The following TGFBR3 variants were observed in gnomAD, a reference collection of about 807,000 sequenced individuals.
TGFBR3 encodes transforming growth factor beta receptor 3.
TGFBR3 carries 46 observed loss-of-function variants against 87.9 expected under a neutral mutation model. That is an observed-to-expected ratio of 0.52 (90% CI 0.41 to 0.67). The LOEUF (loss-of-function observed/expected upper bound fraction) is 0.67, where lower values mean the gene tolerates loss of function less well. TGFBR3 is among the 30% of genes least tolerant of loss of function. TGFBR3 has a pLI of 0.00. For synonymous variants in TGFBR3, 381 were observed against 391.6 expected, an observed-to-expected ratio of 0.97 and a Z score of 0.32; for missense variants, 866 against 1,041.9, an observed-to-expected ratio of 0.83 and a Z score of 2.32.
At chr1:91,843,156 C>T (rs1475014713) in intron 2 of TGFBR3, among the ~76,000 whole-genome samples, 5 of 152,194 alleles carry the variant, frequency 3.3e-5, no homozygotes, top group Non-Finnish European at 5.9e-5. Context: ...CCATGTGTTA[C>T]GGACTGAATG....
intron 2 of TGFBR3, among the ~76,000 whole-genome samples, chr1:91,815,065 G>T (rs1200882635): frequency 6.6e-6 from 1 of 152,190 alleles, no homozygotes; most frequent in East Asian, 1.9e-4. Context: ...ACTTTGGGAG[G>T]CCAAGGCAGG....
chr1:91,801,083 CAAA>C (rs55862227), intron 2 of TGFBR3: 548 of 139,050 alleles, frequency 3.9e-3, no homozygotes, highest in South Asian at 0.017. Flanking sequence ...AACTCTGTCT[CAAA>C]AAAAAAAAAA....
At chr1:91,717,175 A>G (rs1672204512) in intron 10 of TGFBR3, among the ~76,000 whole-genome samples, 1 of 152,120 alleles carries the variant, frequency 6.6e-6, no homozygotes, top group Admixed American at 6.5e-5. Context: ...AGAGTTGTAG[A>G]AAGTTTGGTT....
At chr1:91,868,396 C>T (rs1384306657) in intron 1 of TGFBR3, among the ~76,000 whole-genome samples, 2 of 152,002 alleles carry the variant, frequency 1.3e-5, no homozygotes, top group Non-Finnish European at 2.9e-5. Flanking sequence ...TCAAAAATTC[C>T]CTCCATCACA....
chr1:91,866,507 G>T (rs1215853079), intron 1 of TGFBR3, among the ~76,000 whole-genome samples: 1 of 152,140 alleles, frequency 6.6e-6, no homozygotes, highest in Non-Finnish European at 1.5e-5. Context: ...ATGAAAAAAA[G>T]ACGCCAAAAA....
chr1:91,847,894 A>C (rs1677567119), intron 2 of TGFBR3, among the ~76,000 whole-genome samples: 2 of 152,170 alleles, frequency 1.3e-5, no homozygotes, highest in South Asian at 4.1e-4. Context: ...GCAAGAAATG[A>C]GACAAGGCAA....
At chr1:91,724,662 T>C (rs1487319009) in intron 7 of TGFBR3, among the ~76,000 whole-genome samples, 1 of 152,214 alleles carries the variant, frequency 6.6e-6, no homozygotes, top group African/African-American at 2.4e-5. Context: ...GGCAGACAAG[T>C]TGGTTCCCAG....
chr1:91,897,957 G>A (rs1223781264), intron 2 of TGFBR3, among the ~76,000 whole-genome samples: 1 of 151,892 alleles, frequency 6.6e-6, no homozygotes, highest in Non-Finnish European at 1.5e-5. Flanking sequence ...GGAGCCCGAG[G>A]CAGGAAGATT....
chr1:91,815,830 GA>G (rs1676202528), intron 2 of TGFBR3, among the ~76,000 whole-genome samples: 2 of 152,218 alleles, frequency 1.3e-5, no homozygotes, highest in Non-Finnish European at 2.9e-5. Context: ...AACTGACAAG[GA>G]AAGAAGTTGG....
intron 12 of TGFBR3, among the ~76,000 whole-genome samples, chr1:91,713,228 T>A (rs1206833292): frequency 4.6e-5 from 7 of 152,158 alleles, no homozygotes; most frequent in Non-Finnish European, 1.5e-5. Flanking sequence ...TTAGGGGAAA[T>A]CTAATCTGGA....
chr1:91,903,941 A>G (rs1461031681), intron 1 of TGFBR3, among the ~76,000 whole-genome samples: 1 of 152,106 alleles, frequency 6.6e-6, no homozygotes, highest in East Asian at 1.9e-4. Flanking sequence ...TGGGAGGCCT[A>G]GGCGGGCAGA....
rs1475034345 is a variant in TGFBR3 at position 91,682,094 on chromosome 1, A to G, written c.*1645T>C. The stretch of plus-strand genomic sequence containing the variant: ...AATGTGTATATCTATCAGGTAAGTC[A>G]TATTATTACTCAACGATTTGGTAAA... On this transcript the variant is annotated 3_prime_UTR_variant, in exon 17 of 17. Coordinates refer to ENST00000212355, the MANE Select transcript of TGFBR3 (RefSeq NM_003243.5). The G allele has an allele frequency of 4.4e-6, 2 of 453,970 alleles. No homozygotes were observed. Among genetic ancestry groups the G allele is most frequent in the African/African-American group, 4.0e-5 (2 of 50,002 alleles). The allele number at this position is 453,970 out of a possible 1,614,324, so 28.1% of individuals were successfully genotyped here.
intron 1 of TGFBR3, among the ~76,000 whole-genome samples, chr1:91,885,061 T>C (rs909991565): frequency 2.6e-5 from 4 of 152,250 alleles, no homozygotes; most frequent in African/African-American, 4.8e-5. Flanking sequence ...ACACATTAAA[T>C]CATTAGATGC....
At chr1:91,792,838 G>T (rs1283046898) in intron 3 of TGFBR3, among the ~76,000 whole-genome samples, 3 of 152,164 alleles carry the variant, frequency 2.0e-5, no homozygotes, top group African/African-American at 7.2e-5. Context: ...AGATAAATCT[G>T]ATCTCTCAGC....
chr1:91,781,798 T>C (rs1044809536), intron 3 of TGFBR3, among the ~76,000 whole-genome samples: 1 of 152,104 alleles, frequency 6.6e-6, no homozygotes, highest in African/African-American at 2.4e-5. Context: ...TATTTGGAAA[T>C]AGGCTGGCCT....
chr1:91,688,843 T>C (rs1571408182), intron 16 of TGFBR3, among the ~76,000 whole-genome samples: 1 of 151,852 alleles, frequency 6.6e-6, no homozygotes, highest in Admixed American at 6.6e-5. Flanking sequence ...TTTCTCCAGG[T>C]TCCCAAGTGT....
chr1:91,819,511 C>G (rs549465377), intron 2 of TGFBR3, among the ~76,000 whole-genome samples: 2 of 152,348 alleles, frequency 1.3e-5, no homozygotes, highest in East Asian at 3.9e-4. Flanking sequence ...TGAGACAATT[C>G]ATCCACTGAG....
intron 1 of TGFBR3, among the ~76,000 whole-genome samples, chr1:91,874,687 G>T (rs551360334): frequency 1.6e-4 from 25 of 152,134 alleles, no homozygotes; most frequent in African/African-American, 6.0e-4. Flanking sequence ...TAGAGACGGG[G>T]TTTCACCATG....
rs1305495250 is a variant in TGFBR3 at position 91,886,093 on chromosome 1, C to T, written c.-329G>A. 1 of 453,984 alleles carries T rather than the reference C, an allele frequency of 2.2e-6. No individual in the cohort carries two copies. The highest frequency in any genetic ancestry group is 2.0e-5 in the African/African-American group (1 of 50,024). The allele number at this position is 453,984 out of a possible 1,614,324, so 28.1% of individuals were successfully genotyped here. A position where few individuals can be genotyped will look rare whatever the true frequency, so the allele number is the denominator to read the frequency against. On this transcript the variant is annotated 5_prime_UTR_variant, in exon 1 of 17. Coordinates refer to ENST00000212355, the MANE Select transcript of TGFBR3 (RefSeq NM_003243.5). ...GCCGGGGCGCGAGAGCCGCCGACTG[C>T]CCTCCTTCACTCGCTGGGAAGAGGA...
Sources: allele counts gnomAD v4.1 joint callset (sites outside exome capture counted in the v4.1 genomes callset), GRCh38; gene constraint gnomAD v4.1.1; transcripts MANE v1.5; gene names NCBI Gene and HGNC (gene_info 2026-07-23, HGNC 2026-07-21).